The following DIDO1 variants were observed in gnomAD, a reference collection of about 807,000 sequenced individuals.
DIDO1 encodes death inducer-obliterator 1.
A neutral mutation model predicts 99.4 loss-of-function variants in DIDO1; 16 were observed. The observed-to-expected ratio is 0.16, with a 90% CI of 0.11 to 0.24. The LOEUF is 0.24. Ranked by LOEUF, DIDO1 falls within the 10% of genes least tolerant of loss-of-function variation. DIDO1 has a pLI of 1.00. For missense variants in DIDO1, 2,996 were observed against 3,014.0 expected (o/e 0.99, Z 0.14); for synonymous variants, 1,366 against 1,239.1 (o/e 1.10, Z -2.15).
intron 6 of DIDO1, among the ~76,000 whole-genome samples, chr20:62,898,746 C>T (rs933138363): frequency 3.3e-5 from 5 of 152,178 alleles, no homozygotes; most frequent in African/African-American, 1.2e-4. Flanking sequence ...ATCTTAAAAG[C>T]GCACTATAAA....
At chr20:62,933,273 C>T (rs2065349308) in intron 1 of DIDO1, among the ~76,000 whole-genome samples, 1 of 152,168 alleles carries the variant, frequency 6.6e-6, no homozygotes, top group Non-Finnish European at 1.5e-5. Flanking sequence ...TTCTTCCTTA[C>T]CTCTTTCCAA....
At chr20:62,918,785 T>C (rs1242089745) in intron 1 of DIDO1, among the ~76,000 whole-genome samples, 1 of 152,044 alleles carries the variant, frequency 6.6e-6, no homozygotes. Context: ...TACATTTATT[T>C]ATATTTTGCC....
At position 62,881,029 on chromosome 20, in the gene DIDO1, G is replaced by A. The variant is rs771680064; in HGVS notation, c.4927C>T (p.Arg1643Cys). 31 of 1,604,628 alleles carry A rather than the reference G, an allele frequency of 1.9e-5. No individual in the cohort carries two copies. The Middle Eastern group carries it at 5.0e-4, about 26-fold the overall frequency. Residue 1643 changes from arginine to cysteine, a missense_variant, in exon 16 of 16, where the codon CGC becomes TGC. Arg to Cys is a radical substitution (Grantham distance 180). Transcript: ENST00000395343. This position sits in a 1 kb window ranked among gnomAD's most constrained non-coding sequence, Gnocchi z 8.3. ...GAGCTGTCTCCAACCGTGGCGGGGCGGGTGCCCTCCCCAGGCTCTGCCTTC... is the reference window on the plus strand; with the variant it reads ...GAGCTGTCTCCAACCGTGGCGGGGCAGGTGCCCTCCCCAGGCTCTGCCTTC... ...GWKAEPGEGT[R>C]PATVGDSSAR...
chr20:62,897,377 T>C (rs1600950931), intron 6 of DIDO1, among the ~76,000 whole-genome samples: 2 of 152,322 alleles, frequency 1.3e-5, no homozygotes, highest in African/African-American at 2.4e-5. Context: ...TGAATTCAAG[T>C]GCAAACTGTT....
In DIDO1 at chr20:62,882,111, G is replaced by C. The variant is rs374530132; in HGVS notation, c.3845C>G (p.Ala1282Gly). The C allele has an allele frequency of 5.0e-6, 8 of 1,613,118 alleles. No individual in the cohort carries two copies. Among genetic ancestry groups the C allele is most frequent in the Middle Eastern group, 1.6e-4 (1 of 6,084 alleles). ...VLKVLSSLKP[A>G]APSPATAATT... Reference sequence around the variant, plus strand: ...GGCTGCTGTGGCTGGGCTGGGGGCTGCAGGTTTGAGGGATGACAGCACTTT... The same window carrying C: ...GGCTGCTGTGGCTGGGCTGGGGGCTCCAGGTTTGAGGGATGACAGCACTTT... The change falls in exon 16 of 16, where the codon GCA (alanine) becomes GGA (glycine). Residue 1282 changes from alanine to glycine, a missense_variant. Around this residue, in one of 5 missense-constraint regions of DIDO1, gnomAD observed 1,562 missense variants for 1,412.6 expected, o/e 1.11. Coordinates refer to ENST00000395343, the MANE Select transcript of DIDO1 (RefSeq NM_001193369.2).
chr20:62,917,095 C>T (rs2065051074), intron 1 of DIDO1, among the ~76,000 whole-genome samples: 1 of 152,150 alleles, frequency 6.6e-6, no homozygotes, highest in African/African-American at 2.4e-5. Flanking sequence ...GCAGCCTCAG[C>T]ACCTCCCCCA....
chr20:62,880,884 T>C lies in DIDO1; in HGVS notation c.5072A>G (p.Gln1691Arg). 6.2e-7 allele frequency: 1 copy of C among 1,612,262 alleles called. No homozygotes were observed. Among genetic ancestry groups the C allele is most frequent in the Non-Finnish European group, 8.5e-7 (1 of 1,179,954 alleles). ...DPFTCPGFAS[Q>R]DKALGSAQYE... ...CTGGGCTGAGCCGAGAGCCTTGTCCTGCGACGCGAACCCCGGGCAGGTGAA... is the reference window on the plus strand; with the variant it reads ...CTGGGCTGAGCCGAGAGCCTTGTCCCGCGACGCGAACCCCGGGCAGGTGAA... The change falls in exon 16 of 16, where the codon CAG becomes CGG. Residue 1691 changes from glutamine (Q) to arginine (R), a missense_variant. Gln to Arg is a conservative substitution (Grantham distance 43, BLOSUM62 1). Transcript: ENST00000395343.
At chr20:62,918,832 T>C (rs958691367) in intron 1 of DIDO1, among the ~76,000 whole-genome samples, 3 of 152,196 alleles carry the variant, frequency 2.0e-5, no homozygotes, top group Admixed American at 6.5e-5. Flanking sequence ...CTGTTTATTA[T>C]GCAGATGAGG....
At chr20:62,887,867 AG>A in intron 15 of DIDO1, 2 of 985,518 alleles carry the variant, frequency 2.0e-6, no homozygotes, top group Non-Finnish European at 2.4e-6. Context: ...CAGGCCTCCC[AG>A]CTGCCCCCCA....
chr20:62,909,708 G>A lies in DIDO1; in HGVS notation c.1152C>T (p.Ile384=). ...ANPSGKKKLK[I]FQPVIEAPGA... ...GCGGACAAACACTTACAGGCTGGAA[G>A]ATCTTGAGTTTCTTCTTGCCACTTG... Residue 384 remains isoleucine, a synonymous_variant, in exon 4 of 16, where the codon ATC becomes ATT. Transcript: ENST00000395343. The A allele has an allele frequency of 2.5e-6, 4 of 1,613,104 alleles. No individual in the cohort carries two copies. The highest frequency in any genetic ancestry group is 1.1e-5 in the South Asian group (1 of 91,054).
chr20:62,921,731 C>T (rs2065140023), intron 1 of DIDO1, among the ~76,000 whole-genome samples: 1 of 150,562 alleles, frequency 6.6e-6, no homozygotes, highest in Admixed American at 6.6e-5. Context: ...TCTCCCTGGG[C>T]TCAGGTTATC....
At chr20:62,899,362 T>G (rs952499876) in intron 6 of DIDO1, among the ~76,000 whole-genome samples, 3 of 152,232 alleles carry the variant, frequency 2.0e-5, no homozygotes, top group African/African-American at 7.2e-5. Flanking sequence ...TCTTTAATGA[T>G]GTTTAACGCT....
At chr20:62,886,640 C>G (rs931739888) in intron 15 of DIDO1, among the ~76,000 whole-genome samples, 1 of 152,120 alleles carries the variant, frequency 6.6e-6, no homozygotes, top group African/African-American at 2.4e-5. Context: ...CTCCTTCTTA[C>G]TAAATGAACC....
At chr20:62,927,441 A>G (rs377018985), upstream of DIDO1, among the ~76,000 whole-genome samples, 64 of 152,330 alleles carry the variant, frequency 4.2e-4, no homozygotes, top group African/African-American at 1.5e-3. Context: ...TACTGCAGGA[A>G]AGAGACTGGG....
At chr20:62,915,953 T>C (rs979935520) in intron 1 of DIDO1, among the ~76,000 whole-genome samples, 2 of 152,226 alleles carry the variant, frequency 1.3e-5, no homozygotes, top group Non-Finnish European at 2.9e-5. Flanking sequence ...TAGAATTCAA[T>C]GAAGGATATA....
At position 62,881,580 on chromosome 20, in the gene DIDO1, C is replaced by T. The variant is rs372855543; in HGVS notation, c.4376G>A (p.Arg1459Lys). 8 of 1,611,408 alleles carry T rather than the reference C, an allele frequency of 5.0e-6. No homozygotes were observed. Among genetic ancestry groups the T allele is most frequent in the Non-Finnish European group, 6.8e-6 (8 of 1,180,032 alleles). The change falls in exon 16 of 16, where the codon AGG becomes AAG. Residue 1459 changes from arginine (R) to lysine (K), a missense_variant. Arg to Lys is a conservative substitution (Grantham distance 26). This residue lies in a region of DIDO1 where 1,562 missense variants were observed against 1,412.6 expected (regional missense o/e 1.11). Transcript: ENST00000395343. This position sits in a 1 kb window ranked among gnomAD's most constrained non-coding sequence, Gnocchi z 8.3. ...AGCCCCGGCCACCGGCTCGGCAGGC[C>T]TCTCCACGGAGTTCCTTCTCACGTC... ...CADVRRNSVERPAEPVAGAAT... is the reference protein window; with the variant it reads ...CADVRRNSVEKPAEPVAGAAT...
intron 15 of DIDO1, chr20:62,889,697 C>T (rs557973977): frequency 2.1e-4 from 207 of 985,436 alleles, no homozygotes; most frequent in Non-Finnish European, 2.3e-4. Flanking sequence ...TCACAAGCAA[C>T]ACCAAGAACC....
chr20:62,883,537 A>G (rs1039510959), intron 15 of DIDO1, among the ~76,000 whole-genome samples: 11 of 152,136 alleles, frequency 7.2e-5, no homozygotes, highest in Admixed American at 6.5e-4. Flanking sequence ...CTAAGAATAC[A>G]AAAATTGGGC....
At chr20:62,917,761 A>G (rs2065065304) in intron 1 of DIDO1, among the ~76,000 whole-genome samples, 1 of 152,272 alleles carries the variant, frequency 6.6e-6, no homozygotes, top group African/African-American at 2.4e-5. Flanking sequence ...GAAAATTGGC[A>G]TATTCTAAAC....
Sources: allele counts gnomAD v4.1 joint callset (sites outside exome capture counted in the v4.1 genomes callset), GRCh38; gene constraint gnomAD v4.1.1; regional missense constraint gnomAD v4.1.1; non-coding constraint Gnocchi (gnomAD v3.1); transcripts MANE v1.5; gene names NCBI Gene and HGNC (gene_info 2026-07-23, HGNC 2026-07-21).